Variants in ZNF7 observed in about 807,000 individuals in gnomAD.
ZNF7 encodes C2-H2 type zinc finger protein.
ZNF7 carries 10 observed loss-of-function variants against 12.0 expected under a neutral mutation model. That is an observed-to-expected ratio of 0.83 (90% confidence interval 0.51 to 1.42). ZNF7 has a LOEUF of 1.42. Ranked by LOEUF, ZNF7 falls within the 40% of genes most tolerant of loss-of-function variation. The pLI is 0.00. For synonymous variants in ZNF7, 334 were observed against 295.0 expected (o/e 1.13, Z -1.35); for missense variants, 854 against 837.2 (o/e 1.02, Z -0.25).
chr8:144,837,644 T>C, intron 4 of ZNF7, 137 bp downstream of exon 4: 1 of 626,934 alleles, frequency 1.6e-6, no homozygotes, highest in South Asian at 2.3e-5. Context: ...GGAAGCAGCA[T>C]CCAGCACCTA....
In ZNF7 at chr8:144,842,275, C is replaced by G. The variant is rs1830034598; in HGVS notation, c.1168C>G (p.Gln390Glu). 1 of 1,614,006 alleles carries G rather than the reference C, an allele frequency of 6.2e-7. No homozygotes were observed. The change falls in exon 5 of 5, where the codon CAA (glutamine) becomes GAA (glutamate). Residue 390 changes from glutamine (Q) to glutamate (E), a missense_variant. Physicochemically the swap from Gln to Glu is conservative, Grantham distance 29 (BLOSUM62 2). Coordinates refer to ENST00000532777, the MANE Select transcript of ZNF7 (RefSeq NM_003416.4). ...HQRMHTGEKA[Q>E]ILKASDSPSL... ...AAGGATGCATACTGGGGAGAAAGCT[C>G]AAATTCTAAAAGCCTCAGACAGTCC...
downstream of ZNF7, chr8:144,845,932 C>A (rs993326504): frequency 5.9e-6 from 9 of 1,523,770 alleles, no homozygotes; most frequent in African/African-American, 1.4e-5. Context: ...CAGGTGGTCA[C>A]CTTCAGGTCT....
At chr8:144,829,317 C>T in intron 2 of ZNF7, 161 bp from the exon 3 acceptor site, 1 of 1,538,324 alleles carries the variant, frequency 6.5e-7, no homozygotes, top group South Asian at 1.2e-5. Flanking sequence ...GTTCCTTCCT[C>T]CTCCCCGAGA....
chr8:144,842,263 G>A lies in ZNF7; in HGVS notation c.1156G>A (p.Gly386Arg). The change falls in exon 5 of 5, where the codon GGG becomes AGG. Residue 386 changes from glycine to arginine, a missense_variant. Physicochemically the swap from Gly to Arg is moderately radical, Grantham distance 125. Coordinates refer to ENST00000532777, the MANE Select transcript of ZNF7 (RefSeq NM_003416.4). Reference sequence around the variant, plus strand: ...AGCCCAGCATCAAAGGATGCATACTGGGGAGAAAGCTCAAATTCTAAAAGC... The same window carrying A: ...AGCCCAGCATCAAAGGATGCATACTAGGGAGAAAGCTCAAATTCTAAAAGC... Reference protein sequence around the residue: ...TLAQHQRMHTGEKAQILKASD... With the variant: ...TLAQHQRMHTREKAQILKASD... 2.5e-6 allele frequency: 4 copies of A among 1,614,092 alleles called. No homozygotes were observed. Among genetic ancestry groups the A allele is most frequent in the Non-Finnish European group, 3.4e-6 (4 of 1,180,038 alleles).
At chr8:144,835,390 T>C (rs961694415) in intron 3 of ZNF7, 4 of 151,880 alleles carry the variant, frequency 2.6e-5, no homozygotes, top group Non-Finnish European at 4.4e-5. Context: ...CTTTGTAGAG[T>C]TGGGGTCTGT....
In ZNF7 at chr8:144,843,026, A is replaced by G; in HGVS notation, c.1919A>G (p.Glu640Gly). ...IKKLHQCEDC[E>G]KIFRWRSHLI... ...AAACTGCATCAGTGTGAAGACTGTGAGAAGATATTTAGGTGGCGTTCACAC... is the reference window on the plus strand; with the variant it reads ...AAACTGCATCAGTGTGAAGACTGTGGGAAGATATTTAGGTGGCGTTCACAC... Residue 640 changes from glutamate (E) to glycine (G), a missense_variant, in exon 5 of 5, where the codon GAG becomes GGG. Physicochemically the swap from Glu to Gly is moderately conservative, Grantham distance 98. Coordinates refer to ENST00000532777, the MANE Select transcript of ZNF7 (RefSeq NM_003416.4). The G allele has an allele frequency of 1.9e-6, 3 of 1,614,212 alleles. No homozygotes were observed. The highest frequency in any genetic ancestry group is 2.5e-6 in the Non-Finnish European group (3 of 1,180,042).
chr8:144,837,701 C>A (rs939412957), intron 4 of ZNF7, among the ~76,000 whole-genome samples, 194 bp downstream of exon 4: 12 of 152,208 alleles, frequency 7.9e-5, no homozygotes, highest in Non-Finnish European at 5.9e-5. Context: ...AGAGGCCAAA[C>A]TGCAGAAGAG....
chr8:144,842,904 C>T lies in ZNF7; in HGVS notation c.1797C>T (p.His599=), dbSNP rs1004969475. The change falls in exon 5 of 5, where the codon CAC becomes CAT. Residue 599 remains histidine (H), a synonymous_variant. Transcript: ENST00000532777. The part of the protein sequence containing the change: ...AFSRSSYLIE[H]QRIHTRAQWF... The stretch of plus-strand genomic sequence containing the variant: ...GCCGGAGCTCATATCTTATTGAACA[C>T]CAGAGAATACACACTAGGGCCCAGT... 1 of 1,614,156 alleles carries T rather than the reference C, an allele frequency of 6.2e-7. No homozygotes were observed. Among genetic ancestry groups the T allele is most frequent in the Non-Finnish European group, 8.5e-7 (1 of 1,180,032 alleles).
At chr8:144,840,063 T>C (rs1375076658) in intron 4 of ZNF7, among the ~76,000 whole-genome samples, 1 of 152,236 alleles carries the variant, frequency 6.6e-6, no homozygotes, top group Non-Finnish European at 1.5e-5. Flanking sequence ...GCCTCCCAAG[T>C]AGCCGGGATT....
In ZNF7 at chr8:144,841,510, C is replaced by A; in HGVS notation, c.403C>A (p.His135Asn). 1 of 1,614,194 alleles carries A rather than the reference C, an allele frequency of 6.2e-7. No individual in the cohort carries two copies. Among genetic ancestry groups the A allele is most frequent in the Non-Finnish European group, 8.5e-7 (1 of 1,180,046 alleles). Residue 135 changes from histidine to asparagine, a missense_variant, in exon 5 of 5, where the codon CAT becomes AAT. By Grantham distance (68) the His-to-Asn change is moderately conservative. Transcript: ENST00000532777. Reference sequence around the variant, plus strand: ...TGATTCTGAGGTCTGGTTAGACAGTCATCTGGGCAGTCCCGGGCTGAAAGT... The same window carrying A: ...TGATTCTGAGGTCTGGTTAGACAGTAATCTGGGCAGTCCCGGGCTGAAAGT... Reference protein sequence around the residue: ...VSDSEVWLDSHLGSPGLKVTG... With the variant: ...VSDSEVWLDSNLGSPGLKVTG...
intron 3 of ZNF7, chr8:144,836,376 C>G (rs1317408251): frequency 6.6e-6 from 1 of 152,208 alleles, no homozygotes; most frequent in Non-Finnish European, 1.5e-5. Context: ...GGGCTGCATC[C>G]TATAAATTCT....
rs1586809802 is a variant in ZNF7 at position 144,837,091 on chromosome 8, C to A, written c.131-300C>A. The stretch of plus-strand genomic sequence containing the variant: ...GAAGCTTGGGCTTCTCCTTCTCTTT[C>A]CCGAGTTCCAGGGGTAGAGGCGGAC... On this transcript the variant is annotated intron_variant, in intron 3 of 4. Transcript: ENST00000532777. The A allele has an allele frequency of 1.7e-5, 4 of 241,522 alleles. No individual in the cohort carries two copies. The East Asian group carries it at 3.0e-4, about 18-fold the overall frequency. 15.0% of individuals were successfully genotyped at this position (241,522 alleles called of 1,614,324 possible). A position where few individuals can be genotyped will look rare whatever the true frequency, so the allele number is the denominator to read the frequency against.
chr8:144,844,432 C>T (rs901523342), downstream of ZNF7, among the ~76,000 whole-genome samples: 35 of 151,974 alleles, frequency 2.3e-4, no homozygotes, highest in South Asian at 1.0e-3. Context: ...GAAAATGGGC[C>T]GGGCGTGGTG....
Position 144,843,310 on chromosome 8 carries a change from C to A in ZNF7, c.*142C>A. On this transcript the variant is annotated 3_prime_UTR_variant, in exon 5 of 5. Transcript: ENST00000532777. ...GCTCTCAAGAATATCCAACTTCAGG[C>A]CGAGTGTGGTGGCTTATGCCTGTCA... The A allele has an allele frequency of 9.1e-7, 1 of 1,104,800 alleles. No homozygotes were observed. Among genetic ancestry groups the A allele is most frequent in the Non-Finnish European group, 1.3e-6 (1 of 799,284 alleles). The allele number at this position is 1,104,800 out of a possible 1,614,324, so 68.4% of individuals were successfully genotyped here.
rs1428066303 is a variant in ZNF7, at chr8:144,843,096, A to G, written c.1989A>G (p.Lys663=). The part of the protein sequence containing the change: ...QRIHTGEKPY[K]CNDCGKAFNR... ...TTCACACCGGGGAGAAGCCTTATAA[A>G]TGCAATGACTGTGGCAAAGCTTTTA... is the stretch of plus-strand genomic sequence containing the variant. Residue 663 remains lysine (K), a synonymous_variant, in exon 5 of 5, where the codon AAA becomes AAG. Coordinates refer to ENST00000532777, the MANE Select transcript of ZNF7 (RefSeq NM_003416.4). 2.5e-6 allele frequency: 4 copies of G among 1,612,996 alleles called. No individual in the cohort carries two copies. The highest frequency in any genetic ancestry group is 3.4e-6 in the Non-Finnish European group (4 of 1,179,664).
intron 3 of ZNF7, among the ~76,000 whole-genome samples, chr8:144,833,341 GGT>G (rs372059932): frequency 4.2e-3 from 577 of 136,710 alleles, no homozygotes; most frequent in African/African-American, 0.018. Context: ...GGTTTGTTTT[GGT>G]TTTTTTTTGT....
chr8:144,842,906 A>G lies in ZNF7; in HGVS notation c.1799A>G (p.Gln600Arg). 5 of 1,614,224 alleles carry G rather than the reference A, an allele frequency of 3.1e-6. No homozygotes were observed. Among genetic ancestry groups the G allele is most frequent in the Non-Finnish European group, 3.4e-6 (4 of 1,180,042 alleles). Residue 600 changes from glutamine to arginine, a missense_variant, in exon 5 of 5, where the codon CAG becomes CGG. By Grantham distance (43) the Gln-to-Arg change is conservative. Transcript: ENST00000532777. ...FSRSSYLIEH[Q>R]RIHTRAQWFY... ...CGGAGCTCATATCTTATTGAACACC[A>G]GAGAATACACACTAGGGCCCAGTGG...
chr8:144,842,342 C>T lies in ZNF7; in HGVS notation c.1235C>T (p.Pro412Leu). 2 of 1,614,008 alleles carry T rather than the reference C, an allele frequency of 1.2e-6. No homozygotes were observed. Among genetic ancestry groups the T allele is most frequent in the South Asian group, 1.1e-5 (1 of 91,076 alleles). The change falls in exon 5 of 5, where the codon CCA (proline) becomes CTA (leucine). Residue 412 changes from proline (P) to leucine (L), a missense_variant. By Grantham distance (98) the Pro-to-Leu change is moderately conservative (BLOSUM62 -3). Coordinates refer to ENST00000532777, the MANE Select transcript of ZNF7 (RefSeq NM_003416.4). ...CAGAGAATTCACGCTGTAGAGAAAC[C>T]ATTTAAGTGTGATGAGTGTGGGAAA... ...AHQRIHAVEK[P>L]FKCDECGKAF... is the part of the protein sequence containing the mutation.
rs1830096797 is a variant in ZNF7, at chr8:144,842,649, C to CCAT, written c.1545_1547dup (p.His515dup). The CCAT allele has an allele frequency of 2.5e-6, 4 of 1,613,900 alleles. No homozygotes were observed. Among genetic ancestry groups the CCAT allele is most frequent in the Non-Finnish European group, 3.4e-6 (4 of 1,180,014 alleles). ...TCAGTCAGAGTTCCAGCCTTATTTACCATCAGAGAATCCATAAAGGAGAGA... is the reference window on the plus strand; with the variant it reads ...TCAGTCAGAGTTCCAGCCTTATTTACCATCATCAGAGAATCCATAAAGGAGAGA... On this transcript the variant is annotated inframe_insertion, in exon 5 of 5. Coordinates refer to ENST00000532777, the MANE Select transcript of ZNF7 (RefSeq NM_003416.4).
Sources: allele counts gnomAD v4.1 joint callset (sites outside exome capture counted in the v4.1 genomes callset), GRCh38; gene constraint gnomAD v4.1.1; transcripts MANE v1.5; gene names NCBI Gene and HGNC (gene_info 2026-07-23, HGNC 2026-07-21).